ST6GALNAC3: variants seen among roughly 807,000 people sequenced by gnomAD.
ST6GALNAC3 encodes the protein alpha-N-acetylgalactosaminide alpha-2,6-sialyltransferase 3.
ST6GALNAC3 carries 25 observed loss-of-function variants against 32.7 expected under a neutral mutation model. That is an observed-to-expected ratio of 0.76 (90% CI 0.56 to 1.07). ST6GALNAC3 has a LOEUF of 1.07. Ranked by LOEUF, ST6GALNAC3 falls within the 50% of genes least tolerant of loss-of-function variation. The pLI is 0.00. For missense variants in ST6GALNAC3, 355 were observed against 382.4 expected (o/e 0.93, Z 0.60); for synonymous variants, 129 against 133.1 (o/e 0.97, Z 0.21).
At chr1:76,148,808 A>C (rs1409841060) in intron 1 of ST6GALNAC3, among the ~76,000 whole-genome samples, 3 of 152,208 alleles carry the variant, frequency 2.0e-5, no homozygotes, top group South Asian at 2.1e-4. Flanking sequence ...CCACGTATTC[A>C]TGTATCACCA....
intron 3 of ST6GALNAC3, among the ~76,000 whole-genome samples, chr1:76,558,268 G>A (rs1665042019): frequency 6.6e-6 from 1 of 152,036 alleles, no homozygotes; most frequent in Admixed American, 6.6e-5. Context: ...AAAATAAATT[G>A]TTCTACCAAA....
rs1323998333 is a variant in ST6GALNAC3, at chr1:76,564,588, T to C, written c.624-62864T>C. Reference sequence around the variant, plus strand: ...GTTGAATGCAGCATTTTTTTTTTTTTTTTTTTTTTTTTTTTGAGATGGAGT... The same window carrying C: ...GTTGAATGCAGCATTTTTTTTTTTTCTTTTTTTTTTTTTTTGAGATGGAGT... On this transcript the variant is annotated intron_variant, in intron 3 of 4. Transcript: ENST00000328299. Among the ~76,000 whole-genome samples the C allele has an allele frequency of 5.5e-4, 3 of 5,424 alleles. No individual in the cohort carries two copies. The Non-Finnish European group carries it at 0.012, about 21-fold the overall frequency. The allele number at this position is 5,424 out of a possible 152,430, so 3.6% of individuals were successfully genotyped here.
chr1:76,467,394 A>G (rs910595358), intron 3 of ST6GALNAC3, among the ~76,000 whole-genome samples: 2 of 152,020 alleles, frequency 1.3e-5, no homozygotes, highest in Non-Finnish European at 2.9e-5. Context: ...CATCCCTGCT[A>G]TGCTTGAATC....
intron 1 of ST6GALNAC3, among the ~76,000 whole-genome samples, chr1:76,110,241 C>T (rs1400510354): frequency 6.6e-6 from 1 of 152,208 alleles, no homozygotes; most frequent in Non-Finnish European, 1.5e-5. Context: ...TCTTGGTCAC[C>T]TATACCTTTT....
intron 3 of ST6GALNAC3, among the ~76,000 whole-genome samples, chr1:76,489,361 C>A (rs1250382470): frequency 1.3e-5 from 2 of 151,990 alleles, no homozygotes; most frequent in Non-Finnish European, 2.9e-5. Flanking sequence ...ATGTGACAGG[C>A]ACTAGGGTAT....
chr1:76,377,071 C>T (rs1356230084), intron 2 of ST6GALNAC3, among the ~76,000 whole-genome samples: 1 of 151,928 alleles, frequency 6.6e-6, no homozygotes, highest in Non-Finnish European at 1.5e-5. Context: ...TACATGTATA[C>T]CTACTTAAAA....
chr1:76,459,454 C>T (rs567931298), intron 3 of ST6GALNAC3, among the ~76,000 whole-genome samples: 4 of 151,990 alleles, frequency 2.6e-5, no homozygotes, highest in African/African-American at 4.8e-5. Flanking sequence ...GTCCCAGCTA[C>T]TCGGGAGGCT....
intron 3 of ST6GALNAC3, among the ~76,000 whole-genome samples, chr1:76,581,513 A>C (rs189392300): frequency 6.6e-6 from 1 of 152,124 alleles, no homozygotes; most frequent in Non-Finnish European, 1.5e-5. Context: ...TTTCCTAAAC[A>C]CTCACTAAAT....
chr1:76,618,049 T>C (rs1428760203), intron 3 of ST6GALNAC3, among the ~76,000 whole-genome samples: 3 of 152,196 alleles, frequency 2.0e-5, no homozygotes, highest in Admixed American at 6.5e-5. Flanking sequence ...ATACTAAAAA[T>C]ACAACTGCAC....
At chr1:76,267,687 T>C (rs1335229687) in intron 1 of ST6GALNAC3, among the ~76,000 whole-genome samples, 2 of 152,206 alleles carry the variant, frequency 1.3e-5, no homozygotes, top group African/African-American at 4.8e-5. Flanking sequence ...CCATAAAAAA[T>C]GGCTTTGCTC....
chr1:76,525,505 G>T (rs1008291936), intron 3 of ST6GALNAC3, among the ~76,000 whole-genome samples: 1 of 151,540 alleles, frequency 6.6e-6, no homozygotes, highest in African/African-American at 2.4e-5. Flanking sequence ...GTGAATCGAT[G>T]ATATAGATTA....
At chr1:76,576,797 TCTAA>T in intron 3 of ST6GALNAC3, 19 of 1,275,790 alleles carry the variant, frequency 1.5e-5, no homozygotes, top group Non-Finnish European at 2.0e-5. Context: ...GATTTGCATG[TCTAA>T]CTAATTTTCT....
intron 1 of ST6GALNAC3, among the ~76,000 whole-genome samples, chr1:76,162,486 G>A (rs1004274277): frequency 6.6e-6 from 1 of 152,170 alleles, no homozygotes; most frequent in Admixed American, 6.5e-5. Flanking sequence ...TGCAGGACGC[G>A]GGTGAGTTAA....
chr1:76,635,088 T>G (rs1273389130), downstream of ST6GALNAC3, among the ~76,000 whole-genome samples: 1 of 152,202 alleles, frequency 6.6e-6, no homozygotes, highest in Non-Finnish European at 1.5e-5. Context: ...TATCTGATGC[T>G]GACATATATT....
At chr1:76,534,971 A>G (rs576907430) in intron 3 of ST6GALNAC3, among the ~76,000 whole-genome samples, 1 of 152,296 alleles carries the variant, frequency 6.6e-6, no homozygotes, top group East Asian at 1.9e-4. Context: ...TGACTGAATT[A>G]TTTCTCATAT....
intron 1 of ST6GALNAC3, among the ~76,000 whole-genome samples, chr1:76,202,270 G>A (rs1654567554): frequency 7.6e-6 from 1 of 131,888 alleles, no homozygotes; most frequent in Non-Finnish European, 1.5e-5. Context: ...GTGCATGCAT[G>A]TGTGTGTGTG....
At chr1:76,306,679 T>G (rs33949367) in intron 1 of ST6GALNAC3, among the ~76,000 whole-genome samples, 693 of 13,078 alleles carry the variant, frequency 0.053, 8 homozygotes, top group Non-Finnish European at 0.16. Flanking sequence ...TTTTTTTTTT[T>G]GGGGGGCGGG....
At chr1:76,390,587 A>C (rs1164673355) in intron 2 of ST6GALNAC3, among the ~76,000 whole-genome samples, 1 of 152,138 alleles carries the variant, frequency 6.6e-6, no homozygotes, top group Admixed American at 6.6e-5. Flanking sequence ...TTTGGCTCCA[A>C]AGACTAAGTG....
At chr1:76,108,435 C>T (rs1023297147) in intron 1 of ST6GALNAC3, among the ~76,000 whole-genome samples, 3 of 152,196 alleles carry the variant, frequency 2.0e-5, no homozygotes, top group African/African-American at 7.2e-5. Context: ...TAGCTTGGTG[C>T]ACTACCTTTC....
Sources: gnomAD v4.1 joint callset for allele counts (sites outside exome capture counted in the v4.1 genomes callset) on GRCh38, gnomAD v4.1.1 for gene constraint, MANE v1.5 for transcripts, NCBI Gene and HGNC (gene_info 2026-07-23, HGNC 2026-07-21) for gene names.